Variants in LINGO2 observed in about 807,000 individuals in gnomAD.
LINGO2 encodes leucine-rich repeat and immunoglobulin-like domain-containing nogo receptor-interacting protein 2.
A neutral mutation model predicts 30.6 loss-of-function variants in LINGO2; 14 were observed. That is an observed-to-expected ratio of 0.46 (90% CI 0.30 to 0.72). The LOEUF is 0.72. Ranked by LOEUF, LINGO2 falls within the 30% of genes least tolerant of loss-of-function variation. LINGO2 has a pLI of 0.07. For synonymous variants in LINGO2, 317 were observed against 288.5 expected (o/e 1.10, Z -1.00); for missense variants, 729 against 751.7 (o/e 0.97, Z 0.35).
chr9:28,122,124 G>A (rs62556529), intron 4 of LINGO2, among the ~76,000 whole-genome samples: 16,308 of 152,120 alleles, frequency 0.11, 1,001 homozygotes, highest in African/African-American at 0.17. Flanking sequence ...ATTTTAATGT[G>A]TCCAACTGTC....
intron 1 of LINGO2, among the ~76,000 whole-genome samples, chr9:28,594,515 G>A (rs541974764): frequency 6.6e-6 from 1 of 152,004 alleles, no homozygotes; most frequent in Non-Finnish European, 1.5e-5. Flanking sequence ...TTTCATTTAC[G>A]CTTGCACTTG....
chr9:28,433,945 C>CTATATATATATATATATATATATAAATA (rs1305896597), intron 2 of LINGO2, among the ~76,000 whole-genome samples: 30 of 57,302 alleles, frequency 5.2e-4, no homozygotes, highest in African/African-American at 1.3e-3. Context: ...CTCTCTCTCT[C>CTATATATATATATATATATATATAAATA]TCTCTATATA....
chr9:28,876,559 G>C, the LINGO2 span, among the ~76,000 whole-genome samples: 1 of 152,166 alleles, frequency 6.6e-6, no homozygotes, highest in African/African-American at 2.4e-5. Flanking sequence ...TTTCATCTAT[G>C]TCCCTACAAA....
the LINGO2 span, among the ~76,000 whole-genome samples, chr9:29,184,981 T>C: frequency 6.6e-6 from 1 of 152,174 alleles, no homozygotes; most frequent in Non-Finnish European, 1.5e-5. Context: ...AAAATAATAA[T>C]CTTTTCATTG....
chr9:28,414,044 T>C (rs1822876096), intron 2 of LINGO2, among the ~76,000 whole-genome samples: 2 of 152,094 alleles, frequency 1.3e-5, no homozygotes, highest in African/African-American at 2.4e-5. Flanking sequence ...ATCAGAGTTG[T>C]ACATAAGCAA....
intron 4 of LINGO2, among the ~76,000 whole-genome samples, chr9:28,257,406 C>T (rs1222907073): frequency 6.6e-6 from 1 of 151,572 alleles, no homozygotes; most frequent in Admixed American, 6.6e-5. Flanking sequence ...GGAGAGTAGT[C>T]CTTAAAAGAG....
intron 1 of LINGO2, among the ~76,000 whole-genome samples, chr9:28,618,355 G>GTGTT (rs1826234139): frequency 6.6e-6 from 1 of 152,052 alleles, no homozygotes; most frequent in Non-Finnish European, 1.5e-5. Context: ...ATCTCCGAGT[G>GTGTT]TGTTTCTCTC....
At chr9:28,812,486 G>A in the LINGO2 span, among the ~76,000 whole-genome samples, 1 of 152,086 alleles carries the variant, frequency 6.6e-6, no homozygotes, top group African/African-American at 2.4e-5. Flanking sequence ...TTCAAAAGTA[G>A]GGAACAATGT....
rs145524803 is a variant in LINGO2, at chr9:28,376,179, T to G, written c.-278-3311A>C. On this transcript the variant is annotated intron_variant, in intron 2 of 5. Coordinates refer to ENST00000379992, the Ensembl canonical transcript of LINGO2. Reference sequence around the variant, plus strand: ...TCAGATCCCTTAGTAATAGTCTGTGTTACCCCATAAGGTAGGCCACATATG... The same window carrying G: ...TCAGATCCCTTAGTAATAGTCTGTGGTACCCCATAAGGTAGGCCACATATG... Among the ~76,000 whole-genome samples the G allele has an allele frequency of 3.0e-4, 46 of 152,028 alleles. No homozygotes were observed. In the East Asian group the frequency reaches 8.9e-3, roughly 29 times the overall value.
At chr9:28,837,684 AG>A in the LINGO2 span, among the ~76,000 whole-genome samples, 12 of 133,618 alleles carry the variant, frequency 9.0e-5, no homozygotes, top group South Asian at 2.5e-4. Context: ...ATATATATTT[AG>A]GATAACAGGG....
the LINGO2 span, among the ~76,000 whole-genome samples, chr9:28,809,211 T>A: frequency 6.6e-6 from 1 of 152,224 alleles, no homozygotes; most frequent in Non-Finnish European, 1.5e-5. Context: ...AACTTTTACA[T>A]GTACCAAAGT....
the LINGO2 span, among the ~76,000 whole-genome samples, chr9:29,089,518 C>G: frequency 6.6e-6 from 1 of 152,020 alleles, no homozygotes; most frequent in South Asian, 2.1e-4. Context: ...TATGATAGGA[C>G]ATTTTAAACA....
the LINGO2 span, among the ~76,000 whole-genome samples, chr9:29,180,675 A>G: frequency 6.6e-6 from 1 of 152,192 alleles, no homozygotes; most frequent in Non-Finnish European, 1.5e-5. Context: ...TCCCCCATGA[A>G]GGAATCACTT....
chr9:28,433,949 C>CTCTCTCTCTATATATATATATATA (rs1225323260), intron 2 of LINGO2, among the ~76,000 whole-genome samples: 6 of 88,470 alleles, frequency 6.8e-5, no homozygotes, highest in African/African-American at 2.7e-4. Flanking sequence ...CTCTCTCTCT[C>CTCTCTCTCTATATATATATATATA]TATATATATA....
At chr9:28,887,171 G>C in the LINGO2 span, among the ~76,000 whole-genome samples, 1 of 152,078 alleles carries the variant, frequency 6.6e-6, no homozygotes, top group African/African-American at 2.4e-5. Context: ...CCCAGACTCT[G>C]GCAGAACAGT....
chr9:28,883,670 T>C, the LINGO2 span, among the ~76,000 whole-genome samples: 1 of 74,362 alleles, frequency 1.3e-5, no homozygotes, highest in Non-Finnish European at 2.9e-5. Context: ...ATATATATAT[T>C]TGGTTTTTTT....
chr9:28,219,063 A>G (rs1011954092), intron 4 of LINGO2, among the ~76,000 whole-genome samples: 12 of 152,186 alleles, frequency 7.9e-5, no homozygotes, highest in Non-Finnish European at 1.6e-4. Context: ...CCCAGTTTTC[A>G]GGCAGCATTT....
chr9:28,480,764 T>C (rs944561132), intron 1 of LINGO2, among the ~76,000 whole-genome samples: 1 of 152,118 alleles, frequency 6.6e-6, no homozygotes, highest in Non-Finnish European at 1.5e-5. Flanking sequence ...CTTTCAATTT[T>C]TTTTGTTAGT....
At chr9:27,974,252 A>G (rs1255456070) in intron 5 of LINGO2, among the ~76,000 whole-genome samples, 1 of 152,156 alleles carries the variant, frequency 6.6e-6, no homozygotes, top group Non-Finnish European at 1.5e-5. Context: ...TGTTACCTCA[A>G]GCTGCAATCC....
Sources: allele counts gnomAD v4.1 joint callset (sites outside exome capture counted in the v4.1 genomes callset), GRCh38; gene constraint gnomAD v4.1.1; transcripts MANE v1.5; gene names NCBI Gene and HGNC (gene_info 2026-07-23, HGNC 2026-07-21).